ESRRG: variants seen among roughly 807,000 people sequenced by gnomAD.
The protein encoded by ESRRG is estrogen-related receptor gamma.
A neutral mutation model predicts 44.0 loss-of-function variants in ESRRG; 13 were observed. That is an observed-to-expected ratio of 0.30 (90% confidence interval 0.19 to 0.47). The LOEUF (loss-of-function observed/expected upper bound fraction) is 0.47, where lower values mean the gene tolerates loss of function less well. ESRRG is among the 20% of genes least tolerant of loss of function. The pLI is 1.00. For missense variants in ESRRG, 395 were observed against 580.6 expected, an observed-to-expected ratio of 0.68 and a Z score of 3.29; for synonymous variants, 215 against 214.6, an observed-to-expected ratio of 1.00 and a Z score of -0.02.
At chr1:216,548,814 G>A (rs1156867885) in intron 5 of ESRRG, among the ~76,000 whole-genome samples, 1 of 151,960 alleles carries the variant, frequency 6.6e-6, no homozygotes, top group Admixed American at 6.6e-5. Context: ...ACTTACTTTT[G>A]TATATTGCCT....
At chr1:216,998,488 A>T (rs1486435451) in intron 1 of ESRRG, among the ~76,000 whole-genome samples, 1 of 152,238 alleles carries the variant, frequency 6.6e-6, no homozygotes, top group Admixed American at 6.5e-5. Context: ...TGAAGATGGC[A>T]TGATGGCATA....
intron 1 of ESRRG, among the ~76,000 whole-genome samples, chr1:217,083,227 A>G (rs1285031462): frequency 6.6e-6 from 1 of 152,242 alleles, no homozygotes; most frequent in Admixed American, 6.5e-5. Context: ...AAAGTGTTTT[A>G]AATATCTACT....
At chr1:216,975,182 A>G (rs1410072830) in intron 1 of ESRRG, among the ~76,000 whole-genome samples, 1 of 152,224 alleles carries the variant, frequency 6.6e-6, no homozygotes, top group Non-Finnish European at 1.5e-5. Context: ...AATAAAAACA[A>G]ACAACAACTG....
chr1:216,929,130 A>G (rs12562202), intron 2 of ESRRG, among the ~76,000 whole-genome samples: 39,084 of 151,922 alleles, frequency 0.26, 5,206 homozygotes, highest in East Asian at 0.37. Context: ...AAAATACTGG[A>G]AAAAAAACCA....
intron 2 of ESRRG, among the ~76,000 whole-genome samples, chr1:216,894,092 G>A (rs1422383936): frequency 6.6e-6 from 1 of 152,116 alleles, no homozygotes; most frequent in African/African-American, 2.4e-5. Flanking sequence ...GATTTTCATT[G>A]TGTTTATACT....
At chr1:216,712,101 G>A (rs192328155) in intron 1 of ESRRG, among the ~76,000 whole-genome samples, 8 of 152,262 alleles carry the variant, frequency 5.3e-5, no homozygotes, top group African/African-American at 1.9e-4. Flanking sequence ...ATATCAAAAT[G>A]AGAGAACTTA....
chr1:216,509,465 T>C (rs1484798554), intron 6 of ESRRG, among the ~76,000 whole-genome samples: 1 of 152,178 alleles, frequency 6.6e-6, no homozygotes, highest in South Asian at 2.1e-4. Context: ...ATTTCCTTTT[T>C]CTACATGGCA....
chr1:217,094,200 T>A (rs1371158124), upstream of ESRRG, among the ~76,000 whole-genome samples: 1 of 152,192 alleles, frequency 6.6e-6, no homozygotes, highest in Non-Finnish European at 1.5e-5. Flanking sequence ...GATGAAATTA[T>A]CAACAACCAT....
chr1:216,698,511 T>C (rs1575467605), intron 1 of ESRRG, among the ~76,000 whole-genome samples: 1 of 103,720 alleles, frequency 9.6e-6, no homozygotes, highest in Non-Finnish European at 1.9e-5. Flanking sequence ...TGAGCAAGAC[T>C]CAGTCTCAAA....
At chr1:216,966,789 T>C (rs987091059) in intron 1 of ESRRG, among the ~76,000 whole-genome samples, 6 of 152,156 alleles carry the variant, frequency 3.9e-5, no homozygotes, top group African/African-American at 1.4e-4. Flanking sequence ...CACTGTATTA[T>C]AAGCCACTAT....
rs1011035995 is a variant in ESRRG, at chr1:216,878,418, T to C, written c.-14+61164A>G. 4.9e-4 allele frequency among the ~76,000 whole-genome samples: 75 copies of C among 152,220 alleles called. 1 individual carries two copies. Among genetic ancestry groups the C allele is most frequent in the African/African-American group, 1.8e-3 (73 of 41,466 alleles). ...GTTAAATATACATACTTAAATTCTATATAAATAAGTTAATGTCTGCCTTAA... is the reference window on the plus strand; with the variant it reads ...GTTAAATATACATACTTAAATTCTACATAAATAAGTTAATGTCTGCCTTAA... On this transcript the variant is annotated intron_variant, in intron 2 of 7. Transcript: ENST00000359162.
intron 2 of ESRRG, among the ~76,000 whole-genome samples, chr1:216,662,909 C>T (rs2072898076): frequency 6.6e-6 from 1 of 152,138 alleles, no homozygotes; most frequent in South Asian, 2.1e-4. Flanking sequence ...TGGATTTGGC[C>T]CGCAGGCCTT....
intron 2 of ESRRG, among the ~76,000 whole-genome samples, chr1:216,729,088 A>G (rs2088173113): frequency 6.6e-6 from 1 of 152,182 alleles, no homozygotes; most frequent in African/African-American, 2.4e-5. Context: ...AGCTTCACCC[A>G]TCTTAATCTC....
intron 1 of ESRRG, among the ~76,000 whole-genome samples, chr1:216,692,808 G>A (rs2079315517): frequency 6.6e-6 from 1 of 152,108 alleles, no homozygotes; most frequent in Admixed American, 6.5e-5. Flanking sequence ...TTACCATTAT[G>A]TAACAATTGC....
chr1:216,834,919 G>T (rs1263034844), intron 2 of ESRRG, among the ~76,000 whole-genome samples: 1 of 152,194 alleles, frequency 6.6e-6, no homozygotes, highest in Non-Finnish European at 1.5e-5. Context: ...AGGGTCATTG[G>T]AGCCTTAGAG....
chr1:216,818,481 C>T (rs1053971467), intron 2 of ESRRG, among the ~76,000 whole-genome samples: 1 of 152,192 alleles, frequency 6.6e-6, no homozygotes, highest in African/African-American at 2.4e-5. Flanking sequence ...AGAAACGGCA[C>T]ACTGGTCATC....
chr1:216,668,454 G>A (rs1287480660), intron 2 of ESRRG, among the ~76,000 whole-genome samples: 2 of 152,112 alleles, frequency 1.3e-5, no homozygotes, highest in East Asian at 3.9e-4. Context: ...AATGCTATGT[G>A]TTTAATAAAC....
chr1:217,013,764 T>C (rs1193748909), intron 1 of ESRRG, among the ~76,000 whole-genome samples: 3 of 149,290 alleles, frequency 2.0e-5, no homozygotes, highest in Non-Finnish European at 4.4e-5. Flanking sequence ...ATTAGCTAAA[T>C]GTCATCCCCC....
intron 1 of ESRRG, among the ~76,000 whole-genome samples, chr1:217,111,581 C>T (rs1367832987): frequency 6.6e-6 from 1 of 152,148 alleles, no homozygotes. Context: ...TCATAAACTT[C>T]AGAAACTTTT....
Sources: gnomAD v4.1 joint callset for allele counts (sites outside exome capture counted in the v4.1 genomes callset) on GRCh38, gnomAD v4.1.1 for gene constraint, MANE v1.5 for transcripts, NCBI Gene and HGNC (gene_info 2026-07-23, HGNC 2026-07-21) for gene names.